EDIL3: variants seen among roughly 807,000 people sequenced by gnomAD.
The protein encoded by EDIL3 is EGF-like repeat and discoidin I-like domain-containing protein 3.
EDIL3 carries 37 observed loss-of-function variants against 67.4 expected under a neutral mutation model. The observed-to-expected ratio is 0.55, with a 90% CI of 0.42 to 0.72. EDIL3 has a LOEUF of 0.72. EDIL3 is among the 30% of genes least tolerant of loss of function. The probability of loss-of-function intolerance (pLI) is 0.00; values close to 1 mark genes in which losing one functional copy is unlikely to be tolerated. For synonymous variants in EDIL3, 195 were observed against 196.3 expected (o/e 0.99, Z 0.05); for missense variants, 527 against 586.3 (o/e 0.90, Z 1.04).
At chr5:84,088,470 G>A (rs1417303068) in intron 6 of EDIL3, among the ~76,000 whole-genome samples, 1 of 152,166 alleles carries the variant, frequency 6.6e-6, no homozygotes, top group African/African-American at 2.4e-5. Flanking sequence ...TACTGGCTTA[G>A]GCTGGGCCCC....
rs114326368 is a variant in EDIL3, at chr5:84,179,081, G to T, written c.355+1312C>A. Reference sequence around the variant, plus strand: ...GAAGCTATGAGAGAAAAGACTTGGGGTGGCCAGTCTGTTTCCCTCTGGGCA... The same window carrying T: ...GAAGCTATGAGAGAAAAGACTTGGGTTGGCCAGTCTGTTTCCCTCTGGGCA... On this transcript the variant is annotated intron_variant, in intron 4 of 10. Transcript: ENST00000296591. Among the ~76,000 whole-genome samples, 802 of 152,236 alleles carry T rather than the reference G, an allele frequency of 5.3e-3. 2 individuals carry two copies. Among genetic ancestry groups the T allele is most frequent in the Non-Finnish European group, 8.6e-3 (585 of 68,006 alleles).
chr5:84,034,775 A>G (rs1745989091), intron 9 of EDIL3, among the ~76,000 whole-genome samples: 1 of 152,114 alleles, frequency 6.6e-6, no homozygotes. Context: ...GGATAGTAAA[A>G]TGCAGAGCTA....
chr5:84,246,921 G>C (rs145623793), intron 2 of EDIL3, among the ~76,000 whole-genome samples: 309 of 152,118 alleles, frequency 2.0e-3, no homozygotes, highest in African/African-American at 7.1e-3. Flanking sequence ...CATAATATAT[G>C]CAAAATTAGT....
chr5:84,339,565 T>C (rs1747056882), intron 1 of EDIL3, among the ~76,000 whole-genome samples: 1 of 151,926 alleles, frequency 6.6e-6, no homozygotes, highest in Admixed American at 6.6e-5. Flanking sequence ...TATAGTTGAG[T>C]GACTTATTCC....
At chr5:84,208,953 T>C (rs186611095) in intron 3 of EDIL3, among the ~76,000 whole-genome samples, 1 of 152,014 alleles carries the variant, frequency 6.6e-6, no homozygotes, top group Non-Finnish European at 1.5e-5. Flanking sequence ...TTATTCACAA[T>C]AGCAAAGACT....
chr5:84,140,667 T>C (rs1182353632), intron 4 of EDIL3, among the ~76,000 whole-genome samples: 3 of 152,148 alleles, frequency 2.0e-5, no homozygotes, highest in Non-Finnish European at 4.4e-5. Flanking sequence ...ACTCAATTTG[T>C]GATAGAATGA....
intron 3 of EDIL3, among the ~76,000 whole-genome samples, chr5:84,183,634 A>G (rs1337121006): frequency 1.3e-5 from 2 of 152,204 alleles, no homozygotes; most frequent in African/African-American, 2.4e-5. Flanking sequence ...ACTTGTTCCT[A>G]GGAGGAAAAA....
intron 1 of EDIL3, among the ~76,000 whole-genome samples, chr5:84,315,928 A>G (rs898435959): frequency 6.6e-6 from 1 of 152,214 alleles, no homozygotes; most frequent in Non-Finnish European, 1.5e-5. Flanking sequence ...GAAACTCTAC[A>G]TGCCAGAAGA....
chr5:84,290,288 A>G (rs1275706171), intron 1 of EDIL3, among the ~76,000 whole-genome samples: 1 of 152,146 alleles, frequency 6.6e-6, no homozygotes, highest in Non-Finnish European at 1.5e-5. Context: ...ACACTATCTG[A>G]GAGCTCTTTT....
intron 8 of EDIL3, among the ~76,000 whole-genome samples, chr5:84,064,253 C>T (rs1255886579): frequency 1.3e-5 from 2 of 150,048 alleles, no homozygotes; most frequent in East Asian, 1.9e-4. Context: ...GGTAGACAGA[C>T]AAAGATAAAG....
intron 5 of EDIL3, among the ~76,000 whole-genome samples, chr5:84,115,872 T>A (rs1747654663): frequency 2.0e-5 from 3 of 152,158 alleles, no homozygotes; most frequent in South Asian, 4.1e-4. Flanking sequence ...TGAAGAAACA[T>A]GAGTCAAATA....
intron 9 of EDIL3, among the ~76,000 whole-genome samples, chr5:84,028,874 T>A (rs940115529): frequency 2.0e-5 from 3 of 152,008 alleles, no homozygotes; most frequent in Admixed American, 1.3e-4. Flanking sequence ...AATTCCCACG[T>A]GTTGTGGGAG....
At chr5:84,191,053 T>C (rs1266793115) in intron 3 of EDIL3, among the ~76,000 whole-genome samples, 1 of 152,016 alleles carries the variant, frequency 6.6e-6, no homozygotes, top group Admixed American at 6.6e-5. Context: ...TAAATATCAG[T>C]AGCCCTTTTT....
At chr5:84,178,396 A>T (rs1224932781) in intron 4 of EDIL3, among the ~76,000 whole-genome samples, 1 of 152,178 alleles carries the variant, frequency 6.6e-6, no homozygotes, top group African/African-American at 2.4e-5. Context: ...CCAGATACCT[A>T]GCAATCCTTG....
rs932895006 is a variant in EDIL3 at position 83,941,813 on chromosome 5, T to C, written c.*1606A>G. ...AGTCCCCTTAGACGAACTAATTTTG[T>C]TCTTATTAAAAATGCCAATACAATT... is the stretch of plus-strand genomic sequence containing the variant. On this transcript the variant is annotated 3_prime_UTR_variant, in exon 11 of 11. Transcript: ENST00000296591. The C allele has an allele frequency of 3.9e-5, 6 of 151,980 alleles. No individual in the cohort carries two copies. Among genetic ancestry groups the C allele is most frequent in the Admixed American group, 3.9e-4 (6 of 15,234 alleles). The allele number at this position is 151,980 out of a possible 1,614,324, so 9.4% of individuals were successfully genotyped here.
chr5:84,178,865 T>C (rs1264280597), intron 4 of EDIL3, among the ~76,000 whole-genome samples: 3 of 152,200 alleles, frequency 2.0e-5, no homozygotes, highest in Non-Finnish European at 4.4e-5. Context: ...TAAAATCTTG[T>C]TGTGGGGGTG....
chr5:83,971,574 C>G (rs562414513), intron 9 of EDIL3, among the ~76,000 whole-genome samples: 1 of 151,750 alleles, frequency 6.6e-6, no homozygotes, highest in Non-Finnish European at 1.5e-5. Flanking sequence ...TTTTTTTATC[C>G]GTAGAATATT....
intron 8 of EDIL3, among the ~76,000 whole-genome samples, chr5:84,061,066 TAG>T (rs1746534045): frequency 6.6e-6 from 1 of 152,164 alleles, no homozygotes; most frequent in Non-Finnish European, 1.5e-5. Flanking sequence ...GAGAGGAATC[TAG>T]TATTTACTGA....
intron 1 of EDIL3, among the ~76,000 whole-genome samples, chr5:84,321,502 T>C (rs890572530): frequency 3.9e-5 from 6 of 152,110 alleles, no homozygotes; most frequent in African/African-American, 1.4e-4. Context: ...AACTATTGAG[T>C]CTATGAAAGG....
Sources: allele counts gnomAD v4.1 joint callset (sites outside exome capture counted in the v4.1 genomes callset), GRCh38; gene constraint gnomAD v4.1.1; transcripts MANE v1.5; gene names NCBI Gene and HGNC (gene_info 2026-07-23, HGNC 2026-07-21).